The following ACVR1 variants were observed in gnomAD, a reference collection of about 807,000 sequenced individuals.
ACVR1 encodes activin receptor type-1.
ACVR1 carries 38 observed loss-of-function variants against 57.1 expected under a neutral mutation model. The observed-to-expected ratio is 0.67, with a 90% confidence interval of 0.51 to 0.87. The LOEUF (loss-of-function observed/expected upper bound fraction) is 0.87, where lower values mean the gene tolerates loss of function less well. Among genes scored for constraint, ACVR1 ranks in the 40% least tolerant of loss-of-function variants. ACVR1 has a pLI of 0.00. For synonymous variants in ACVR1, 212 were observed against 228.1 expected, an observed-to-expected ratio of 0.93 and a Z score of 0.63; for missense variants, 463 against 638.2, an observed-to-expected ratio of 0.73 and a Z score of 2.96.
intron 1 of ACVR1, among the ~76,000 whole-genome samples, chr2:157,868,441 C>T (rs6722109): frequency 0.091 from 13,650 of 150,776 alleles, 1,318 homozygotes; most frequent in East Asian, 0.44. Context: ...GCCGAGATCG[C>T]GCCACGGCAC....
intron 2 of ACVR1, among the ~76,000 whole-genome samples, chr2:157,814,002 GTAAGTAAGAA>G (rs1286844595): frequency 1.3e-5 from 2 of 152,204 alleles, no homozygotes; most frequent in African/African-American, 4.8e-5. Flanking sequence ...TTCCTCCAAT[GTAAGTAAGAA>G]TGTAACTTCC....
intron 1 of ACVR1, among the ~76,000 whole-genome samples, chr2:157,851,882 CA>C (rs1559093943): frequency 1.6e-3 from 6 of 3,676 alleles, no homozygotes; most frequent in South Asian, 0.17. Flanking sequence ...CACACACACA[CA>C]CACACACACA....
intron 9 of ACVR1, among the ~76,000 whole-genome samples, chr2:157,757,014 T>C (rs1034818337): frequency 1.5e-5 from 2 of 130,196 alleles, no homozygotes; most frequent in African/African-American, 6.6e-5. Flanking sequence ...GAGATATATA[T>C]ATATTTGATA....
intron 1 of ACVR1, among the ~76,000 whole-genome samples, chr2:157,858,168 A>T (rs138505044): frequency 6.6e-6 from 1 of 152,016 alleles, no homozygotes; most frequent in South Asian, 2.1e-4. Context: ...TGCCCTCTTG[A>T]GCTCTTCTCT....
chr2:157,850,732 G>A (rs951928168), intron 1 of ACVR1, among the ~76,000 whole-genome samples: 7 of 152,152 alleles, frequency 4.6e-5, no homozygotes, highest in South Asian at 4.2e-4. Flanking sequence ...CAAGGCAGGC[G>A]GATCACTTGA....
intron 6 of ACVR1, 104 bp from the exon 7 acceptor site, chr2:157,770,618 C>G (rs1422133072): frequency 1.8e-6 from 2 of 1,139,366 alleles, no homozygotes; most frequent in Non-Finnish European, 2.6e-6. Flanking sequence ...CTTAATCCCT[C>G]CATTGCTTAC....
chr2:157,817,200 C>A (rs1275220222), intron 2 of ACVR1, among the ~76,000 whole-genome samples: 2 of 152,058 alleles, frequency 1.3e-5, no homozygotes, highest in African/African-American at 4.8e-5. Flanking sequence ...TGGGCATAAC[C>A]AATCTTCCTA....
intron 1 of ACVR1, among the ~76,000 whole-genome samples, chr2:157,836,489 A>T (rs1241902861): frequency 6.6e-6 from 1 of 152,204 alleles, no homozygotes; most frequent in Non-Finnish European, 1.5e-5. Context: ...CCACCACCTT[A>T]TATCTGCACA....
In ACVR1 at chr2:157,778,122, A is replaced by G. The variant is rs372509320; in HGVS notation, c.543+9T>C. 1 of 1,613,378 alleles carries G rather than the reference A, an allele frequency of 6.2e-7. No homozygotes were observed. Among genetic ancestry groups the G allele is most frequent in the African/African-American group, 1.3e-5 (1 of 74,996 alleles). The stretch of plus-strand genomic sequence containing the variant: ...TATGCTTGGGATTTCCTGTGGGGTC[A>G]TGACTTACTGCTAAAGTGCTGTCTC... On this transcript the variant is annotated intron_variant, in intron 5 of 10. Transcript: ENST00000434821.
chr2:157,832,110 G>A (rs948647299), intron 1 of ACVR1, among the ~76,000 whole-genome samples: 9 of 151,992 alleles, frequency 5.9e-5, no homozygotes, highest in Admixed American at 2.0e-4. Context: ...CTCTGGAATC[G>A]CACAGCTTGA....
chr2:157,769,835 G>C (rs960892051), intron 7 of ACVR1, among the ~76,000 whole-genome samples: 5 of 152,096 alleles, frequency 3.3e-5, no homozygotes, highest in Non-Finnish European at 7.4e-5. Flanking sequence ...GTATTTCAAC[G>C]GGCACTTTAC....
intron 1 of ACVR1, among the ~76,000 whole-genome samples, chr2:157,871,041 T>C (rs148497573): frequency 6.6e-5 from 10 of 152,342 alleles, no homozygotes; most frequent in Non-Finnish European, 1.3e-4. Flanking sequence ...AGGCCAGGCA[T>C]TGTGTTAGGT....
At chr2:157,862,214 G>A (rs1183710463) in intron 1 of ACVR1, among the ~76,000 whole-genome samples, 1 of 151,826 alleles carries the variant, frequency 6.6e-6, no homozygotes, top group Non-Finnish European at 1.5e-5. Flanking sequence ...AAATATGAAA[G>A]TGTACTATGT....
chr2:157,776,718 C>A (rs539379689), intron 5 of ACVR1, among the ~76,000 whole-genome samples: 1 of 152,272 alleles, frequency 6.6e-6, no homozygotes, highest in South Asian at 2.1e-4. Flanking sequence ...CTGCAATTGT[C>A]CAGGTGTAGC....
intron 2 of ACVR1, among the ~76,000 whole-genome samples, chr2:157,811,809 AAAG>A (rs201526961): frequency 2.2e-5 from 3 of 138,356 alleles, no homozygotes; most frequent in South Asian, 2.1e-4. Flanking sequence ...ACAACAACAA[AAAG>A]AAGGAGAATG....
chr2:157,872,229 T>C (rs143782305), intron 1 of ACVR1, among the ~76,000 whole-genome samples: 1 of 152,212 alleles, frequency 6.6e-6, no homozygotes, highest in Non-Finnish European at 1.5e-5. Flanking sequence ...CAGGAGATTC[T>C]GCGGATTCCA....
At chr2:157,841,352 T>C (rs1688966232) in intron 1 of ACVR1, among the ~76,000 whole-genome samples, 1 of 152,192 alleles carries the variant, frequency 6.6e-6, no homozygotes, top group South Asian at 2.1e-4. Flanking sequence ...TTATTTTATC[T>C]GAAGTTATAA....
At chr2:157,778,406 A>G (rs1020116833) in intron 4 of ACVR1, 64 bp from the exon 5 acceptor site, 5 of 1,350,808 alleles carry the variant, frequency 3.7e-6, no homozygotes, top group Non-Finnish European at 4.2e-6. Context: ...TATTAGCATA[A>G]CCAATATCCT....
intron 3 of ACVR1, among the ~76,000 whole-genome samples, chr2:157,798,919 C>A (rs1181989967): frequency 6.6e-6 from 1 of 151,296 alleles, no homozygotes; most frequent in Non-Finnish European, 1.5e-5. Flanking sequence ...ATTTTTGAGA[C>A]AGAGTCTCGC....
Sources: gnomAD v4.1 joint callset for allele counts (sites outside exome capture counted in the v4.1 genomes callset) on GRCh38, gnomAD v4.1.1 for gene constraint, MANE v1.5 for transcripts, NCBI Gene and HGNC (gene_info 2026-07-23, HGNC 2026-07-21) for gene names.